Variants in CDKAL1 observed in about 807,000 individuals in gnomAD.
CDKAL1 encodes CDKAL1 threonylcarbamoyladenosine tRNA methylthiotransferase.
CDKAL1 carries 32 observed loss-of-function variants against 68.2 expected under a neutral mutation model. That is an observed-to-expected ratio of 0.47 (90% CI 0.35 to 0.63). CDKAL1 has a LOEUF of 0.63. CDKAL1 is among the 30% of genes least tolerant of loss of function. The pLI, the probability that CDKAL1 is intolerant of heterozygous loss-of-function variation, is 0.00. For synonymous variants in CDKAL1, 234 were observed against 244.3 expected (o/e 0.96, Z 0.39); for missense variants, 606 against 696.7 (o/e 0.87, Z 1.47).
At chr6:20,973,142 G>C (rs974290073) in intron 10 of CDKAL1, among the ~76,000 whole-genome samples, 4 of 151,666 alleles carry the variant, frequency 2.6e-5, no homozygotes, top group Admixed American at 2.0e-4. Flanking sequence ...GAGTAACATT[G>C]GTAGAACAAT....
intron 13 of CDKAL1, among the ~76,000 whole-genome samples, chr6:21,126,395 A>G (rs1775014128): frequency 6.6e-6 from 1 of 152,226 alleles, no homozygotes; most frequent in Non-Finnish European, 1.5e-5. Context: ...CTACACATAT[A>G]CACAATGTGT....
chr6:20,875,385 GC>G (rs535711722), intron 9 of CDKAL1, among the ~76,000 whole-genome samples: 3 of 150,836 alleles, frequency 2.0e-5, no homozygotes, highest in Admixed American at 2.0e-4. Context: ...TAAGCACTGA[GC>G]ATTTGAAGAG....
intron 4 of CDKAL1, among the ~76,000 whole-genome samples, chr6:20,553,665 C>T (rs1290088338): frequency 2.6e-5 from 4 of 152,200 alleles, no homozygotes; most frequent in Non-Finnish European, 5.9e-5. Context: ...GGCTGGAGTG[C>T]AGTAGCACCA....
chr6:21,039,825 A>G (rs1312946482), intron 11 of CDKAL1, among the ~76,000 whole-genome samples: 2 of 152,186 alleles, frequency 1.3e-5, no homozygotes, highest in Non-Finnish European at 2.9e-5. Context: ...GACATGCCAT[A>G]TAATTTTTTC....
intron 9 of CDKAL1, among the ~76,000 whole-genome samples, chr6:20,903,509 G>A (rs765106634): frequency 7.9e-5 from 12 of 152,208 alleles, no homozygotes; most frequent in South Asian, 2.1e-4. Flanking sequence ...TATATTTACC[G>A]AAGAAGGTGA....
chr6:20,883,716 TATC>T (rs1261532005), intron 9 of CDKAL1, among the ~76,000 whole-genome samples: 1 of 152,204 alleles, frequency 6.6e-6, no homozygotes, highest in Non-Finnish European at 1.5e-5. Flanking sequence ...AGTACAATAT[TATC>T]ATAGAATCTA....
intron 10 of CDKAL1, among the ~76,000 whole-genome samples, chr6:20,988,053 G>C (rs1018111779): frequency 6.6e-6 from 1 of 150,928 alleles, no homozygotes; most frequent in African/African-American, 2.4e-5. Flanking sequence ...CCAAAGTATT[G>C]AGATTACAAG....
chr6:21,031,012 T>A (rs2150877754), intron 11 of CDKAL1, among the ~76,000 whole-genome samples: 1 of 152,212 alleles, frequency 6.6e-6, no homozygotes, highest in African/African-American at 2.4e-5. Context: ...AAATATATTA[T>A]CTCATGGTTT....
Position 20,638,917 on chromosome 6 carries a change from C to A in CDKAL1, c.287-10376C>A, listed in dbSNP as rs183769113. 3.4e-3 allele frequency among the ~76,000 whole-genome samples: 518 copies of A among 152,196 alleles called. 1 individual carries two copies. The highest frequency in any genetic ancestry group is 0.012 in the African/African-American group (491 of 41,526). On this transcript the variant is annotated intron_variant, in intron 4 of 15. Transcript: ENST00000274695. Reference sequence around the variant, plus strand: ...AAAGTGCTAGGATTATAGGCATGAACCACCGCGCCCGGCCTAGGGATTCTC... The same window carrying A: ...AAAGTGCTAGGATTATAGGCATGAAACACCGCGCCCGGCCTAGGGATTCTC...
intron 9 of CDKAL1, among the ~76,000 whole-genome samples, chr6:20,850,507 C>G (rs1758949789): frequency 6.6e-6 from 1 of 151,930 alleles, no homozygotes; most frequent in Non-Finnish European, 1.5e-5. Flanking sequence ...GTGGCATGAT[C>G]TTGGCTCACT....
intron 13 of CDKAL1, among the ~76,000 whole-genome samples, chr6:21,111,809 T>C (rs904107220): frequency 1.3e-5 from 2 of 152,210 alleles, no homozygotes; most frequent in Non-Finnish European, 2.9e-5. Context: ...ATTCTTATAA[T>C]AAATAAAGAC....
intron 9 of CDKAL1, among the ~76,000 whole-genome samples, chr6:20,859,238 G>A (rs1410911884): frequency 1.3e-5 from 2 of 151,148 alleles, no homozygotes; most frequent in Non-Finnish European, 2.9e-5. Flanking sequence ...AATGGTGTTC[G>A]CTGCACTCCA....
chr6:20,653,707 C>T (rs781289049), intron 5 of CDKAL1, among the ~76,000 whole-genome samples: 6 of 151,924 alleles, frequency 3.9e-5, no homozygotes, highest in Admixed American at 2.6e-4. Context: ...CTCCAACTCC[C>T]GGGTTCAAGT....
intron 5 of CDKAL1, among the ~76,000 whole-genome samples, chr6:20,667,323 G>T (rs1202595331): frequency 6.6e-6 from 1 of 152,170 alleles, no homozygotes; most frequent in Non-Finnish European, 1.5e-5. Flanking sequence ...AGCAAAAAGG[G>T]CAGAGTCTTA....
At chr6:20,577,362 A>G (rs1764956555) in intron 4 of CDKAL1, among the ~76,000 whole-genome samples, 1 of 152,142 alleles carries the variant, frequency 6.6e-6, no homozygotes, top group Non-Finnish European at 1.5e-5. Flanking sequence ...TATATTTTTC[A>G]TTTTCACTTT....
At chr6:20,799,548 G>T (rs1258931226) in intron 8 of CDKAL1, among the ~76,000 whole-genome samples, 2 of 152,090 alleles carry the variant, frequency 1.3e-5, no homozygotes, top group Non-Finnish European at 2.9e-5. Flanking sequence ...GTCGTGATTT[G>T]ACTTATTATA....
At chr6:20,738,485 G>GTTTTTTTTTTTTT (rs71712438) in intron 5 of CDKAL1, among the ~76,000 whole-genome samples, 1 of 119,648 alleles carries the variant, frequency 8.4e-6, no homozygotes. Context: ...CTACTTCTTA[G>GTTTTTTTTTTTTT]TTTTTTTTTT....
intron 12 of CDKAL1, among the ~76,000 whole-genome samples, chr6:21,100,334 T>C (rs1237529061): frequency 6.6e-6 from 1 of 152,228 alleles, no homozygotes; most frequent in African/African-American, 2.4e-5. Flanking sequence ...CTTCCACTCT[T>C]AGAGAAGTCT....
rs61123201 is a variant in CDKAL1 at position 20,876,103 on chromosome 6, T to C, written c.742+29925T>C. On this transcript the variant is annotated intron_variant, in intron 9 of 15. Coordinates refer to ENST00000274695, the MANE Select transcript of CDKAL1 (RefSeq NM_017774.3). Reference sequence around the variant, plus strand: ...AAATAAATTAAAATGTAGGCAGTGTTTTACCATCTGTAATGAATTAGCATT... The same window carrying C: ...AAATAAATTAAAATGTAGGCAGTGTCTTACCATCTGTAATGAATTAGCATT... 8.6e-3 allele frequency among the ~76,000 whole-genome samples: 1,317 copies of C among 152,354 alleles called. 26 individuals are homozygous for C. The highest frequency in any genetic ancestry group is 0.03 in the African/African-American group (1,243 of 41,580).
Sources: gnomAD v4.1 joint callset for allele counts (sites outside exome capture counted in the v4.1 genomes callset) on GRCh38, gnomAD v4.1.1 for gene constraint, MANE v1.5 for transcripts, NCBI Gene and HGNC (gene_info 2026-07-23, HGNC 2026-07-21) for gene names.